MAML2: variants seen among roughly 807,000 people sequenced by gnomAD.
MAML2 encodes the protein mastermind-like protein 2.
MAML2 carries 22 observed loss-of-function variants against 96.1 expected under a neutral mutation model. The observed-to-expected ratio is 0.23, with a 90% confidence interval of 0.16 to 0.33. MAML2 has a LOEUF of 0.33. MAML2 is among the 10% of genes least tolerant of loss of function. The pLI is 1.00. For synonymous variants in MAML2, 561 were observed against 521.3 expected (o/e 1.08, Z -1.04); for missense variants, 1,367 against 1,392.4 (o/e 0.98, Z 0.29).
At position 96,337,543 on chromosome 11, in the gene MAML2, G is replaced by A. The variant is rs141149430; in HGVS notation, c.513+3840C>T. Among the ~76,000 whole-genome samples the A allele has an allele frequency of 2.8e-3, 422 of 152,330 alleles. 1 individual carries two copies. The highest frequency in any genetic ancestry group is 9.7e-3 in the African/African-American group (404 of 41,572). On this transcript the variant is annotated intron_variant, in intron 1 of 4. Coordinates refer to ENST00000524717, the MANE Select transcript of MAML2 (RefSeq NM_032427.4). ...GCTTCCCAGGTCCATGCAGAGGCCT[G>A]TAAAGTAGATGCATTCAAAGACTCC...
intron 1 of MAML2, among the ~76,000 whole-genome samples, chr11:96,240,095 T>C (rs1315996335): frequency 6.6e-6 from 1 of 152,226 alleles, no homozygotes; most frequent in Non-Finnish European, 1.5e-5. Context: ...AGAAGCTACA[T>C]TCAAAGACAA....
At chr11:96,081,922 T>C (rs1272533663) in intron 2 of MAML2, among the ~76,000 whole-genome samples, 1 of 152,268 alleles carries the variant, frequency 6.6e-6, no homozygotes, top group African/African-American at 2.4e-5. Context: ...ATATTTTATA[T>C]TAAAATTCAT....
At chr11:96,097,363 C>T (rs1466853611) in intron 1 of MAML2, among the ~76,000 whole-genome samples, 4 of 152,010 alleles carry the variant, frequency 2.6e-5, no homozygotes, top group African/African-American at 7.2e-5. Context: ...AGGATGGGGG[C>T]AGGACTATGG....
At chr11:95,995,507 T>C (rs1857976310) in intron 2 of MAML2, among the ~76,000 whole-genome samples, 1 of 152,296 alleles carries the variant, frequency 6.6e-6, no homozygotes, top group African/African-American at 2.4e-5. Flanking sequence ...GGTAATACAT[T>C]AATTACCTAA....
At chr11:96,222,013 C>G (rs542408076) in intron 1 of MAML2, among the ~76,000 whole-genome samples, 1 of 152,072 alleles carries the variant, frequency 6.6e-6, no homozygotes, top group Non-Finnish European at 1.5e-5. Context: ...TTAATTTGGA[C>G]CTTTGTAATC....
At chr11:96,024,402 A>C (rs1423947192) in intron 2 of MAML2, among the ~76,000 whole-genome samples, 1 of 152,238 alleles carries the variant, frequency 6.6e-6, no homozygotes, top group Non-Finnish European at 1.5e-5. Context: ...CTTAAAACAG[A>C]TCTTGCATAT....
intron 3 of MAML2, among the ~76,000 whole-genome samples, chr11:95,990,919 T>C (rs891671367): frequency 1.3e-5 from 2 of 152,146 alleles, no homozygotes; most frequent in Non-Finnish European, 2.9e-5. Context: ...CTTGTCTTTC[T>C]TAAACAGTCA....
intron 1 of MAML2, among the ~76,000 whole-genome samples, chr11:96,110,403 C>G (rs541073797): frequency 6.6e-6 from 1 of 152,182 alleles, no homozygotes; most frequent in South Asian, 2.1e-4. Context: ...AATTCTTTCA[C>G]TTTATGTTGT....
chr11:96,212,118 T>A, intron 1 of MAML2, among the ~76,000 whole-genome samples: 1 of 141,890 alleles, frequency 7.0e-6, no homozygotes, highest in Admixed American at 7.1e-5. Flanking sequence ...AGTGTGTGTG[T>A]GTGTGTGTGT....
intron 1 of MAML2, among the ~76,000 whole-genome samples, chr11:96,127,021 C>T (rs1055160383): frequency 2.6e-5 from 4 of 152,126 alleles, no homozygotes; most frequent in Non-Finnish European, 4.4e-5. Context: ...CTTGTTGACC[C>T]GGTGTTGGTG....
chr11:96,051,793 A>C (rs1223058336), intron 2 of MAML2, among the ~76,000 whole-genome samples: 1 of 152,214 alleles, frequency 6.6e-6, no homozygotes, highest in African/African-American at 2.4e-5. Context: ...GAAAAAGGGC[A>C]AACTTTACCT....
In MAML2 at chr11:96,109,037, A is replaced by G. The variant is rs1479164886; in HGVS notation, c.514-15520T>C. On this transcript the variant is annotated intron_variant, in intron 1 of 4. Coordinates refer to ENST00000524717, the MANE Select transcript of MAML2 (RefSeq NM_032427.4). The stretch of plus-strand genomic sequence containing the variant: ...GAGTGTTTCAAAAAAAAAAAAATGT[A>G]TAAGCAACTTGACTAAGTTCATCCA... Among the ~76,000 whole-genome samples, 5 of 146,228 alleles carry G rather than the reference A, an allele frequency of 3.4e-5. No homozygotes were observed. In the South Asian group the frequency reaches 8.8e-4, roughly 26 times the overall value.
intron 1 of MAML2, among the ~76,000 whole-genome samples, chr11:96,117,257 G>T (rs544693713): frequency 6.6e-6 from 1 of 150,852 alleles, no homozygotes; most frequent in Non-Finnish European, 1.5e-5. Context: ...TGGACTCCTT[G>T]ACATACCCAG....
chr11:96,334,946 G>A lies in MAML2; in HGVS notation c.513+6437C>T, dbSNP rs569983382. Among the ~76,000 whole-genome samples the A allele has an allele frequency of 2.6e-5, 4 of 152,324 alleles. No homozygotes were observed. The South Asian group carries it at 8.3e-4, about 32-fold the overall frequency. ...CTTCTCTCTTCATGTCCTCTATAGG[G>A]AAGTGGAATAGCTTTTGCTCTTTTA... On this transcript the variant is annotated intron_variant, in intron 1 of 4. Coordinates refer to ENST00000524717, the MANE Select transcript of MAML2 (RefSeq NM_032427.4).
chr11:96,330,471 T>C (rs1863838531), intron 1 of MAML2, among the ~76,000 whole-genome samples: 1 of 152,340 alleles, frequency 6.6e-6, no homozygotes, highest in South Asian at 2.1e-4. Flanking sequence ...AATAGAGTCA[T>C]TTTCCATGCT....
At chr11:96,042,722 T>C (rs1220035010) in intron 2 of MAML2, among the ~76,000 whole-genome samples, 6 of 151,150 alleles carry the variant, frequency 4.0e-5, no homozygotes, top group African/African-American at 1.5e-4. Context: ...ATGATGCTTG[T>C]TACCAACCAA....
At position 96,149,286 on chromosome 11, in the gene MAML2, A is replaced by G. The variant is rs184682357; in HGVS notation, c.514-55769T>C. ...AAGAAAGTTAGCTGGGCATGGTAGC[A>G]TACGCCTGTAATCTCAGCTACTCAG... is the stretch of plus-strand genomic sequence containing the variant. On this transcript the variant is annotated intron_variant, in intron 1 of 4. Coordinates refer to ENST00000524717, the MANE Select transcript of MAML2 (RefSeq NM_032427.4). Among the ~76,000 whole-genome samples, 479 of 151,766 alleles carry G rather than the reference A, an allele frequency of 3.2e-3. 1 individual carries two copies. Among genetic ancestry groups the G allele is most frequent in the Middle Eastern group, 0.01 (3 of 294 alleles).
chr11:96,328,469 C>A (rs1277815871), intron 1 of MAML2, among the ~76,000 whole-genome samples: 1 of 151,836 alleles, frequency 6.6e-6, no homozygotes, highest in Admixed American at 6.6e-5. Flanking sequence ...ATGCTAGTTA[C>A]ATCTTGCTCT....
At chr11:96,266,943 A>C (rs1591104895) in intron 1 of MAML2, among the ~76,000 whole-genome samples, 1 of 152,348 alleles carries the variant, frequency 6.6e-6, no homozygotes, top group South Asian at 2.1e-4. Context: ...TGAGAAGTAA[A>C]TCTCCCATTG....
Sources: gnomAD v4.1 joint callset for allele counts (sites outside exome capture counted in the v4.1 genomes callset) on GRCh38, gnomAD v4.1.1 for gene constraint, MANE v1.5 for transcripts, NCBI Gene and HGNC (gene_info 2026-07-23, HGNC 2026-07-21) for gene names.